Variants in GAB1 observed in about 807,000 individuals in gnomAD.
GAB1 encodes the protein GRB2 associated binding protein 1.
GAB1 carries 19 observed loss-of-function variants against 66.5 expected under a neutral mutation model. The ratio of observed to expected loss-of-function variants is 0.29; its 90% CI spans 0.20 to 0.42. The LOEUF (loss-of-function observed/expected upper bound fraction) is 0.42, where lower values mean the gene tolerates loss of function less well. Ranked by LOEUF, GAB1 falls within the 10% of genes least tolerant of loss-of-function variation. GAB1 has a pLI of 1.00. For missense variants in GAB1, 732 were observed against 858.5 expected, an observed-to-expected ratio of 0.85 and a Z score of 1.84; for synonymous variants, 294 against 301.4, an observed-to-expected ratio of 0.98 and a Z score of 0.25.
chr4:143,415,019 TTCTG>T, intron 1 of GAB1, among the ~76,000 whole-genome samples: 1 of 152,146 alleles, frequency 6.6e-6, no homozygotes, highest in Non-Finnish European at 1.5e-5. Flanking sequence ...CCATTCTGCT[TTCTG>T]TCTGTATGAA....
intron 6 of GAB1, among the ~76,000 whole-genome samples, chr4:143,450,556 A>G (rs956384447): frequency 2.6e-5 from 4 of 152,186 alleles, no homozygotes; most frequent in Non-Finnish European, 4.4e-5. Context: ...CCGACTTGAA[A>G]TACCCTTAGA....
chr4:143,342,612 A>G (rs939349297), intron 1 of GAB1, among the ~76,000 whole-genome samples: 2 of 122,574 alleles, frequency 1.6e-5, no homozygotes, highest in Non-Finnish European at 3.1e-5. Flanking sequence ...GTACAATGGC[A>G]TGATCTTGGC....
At chr4:143,454,245 G>C (rs1476039671) in intron 6 of GAB1, among the ~76,000 whole-genome samples, 1 of 152,168 alleles carries the variant, frequency 6.6e-6, no homozygotes. Context: ...CTGTGTTCTT[G>C]TCTGTAAAAT....
intron 8 of GAB1, among the ~76,000 whole-genome samples, chr4:143,463,589 CT>C (rs1735615948): frequency 6.8e-6 from 1 of 147,656 alleles, no homozygotes; most frequent in Non-Finnish European, 1.5e-5. Flanking sequence ...AGCCACTGCC[CT>C]GCAGCCCAGG....
chr4:143,440,311 C>A lies in GAB1; in HGVS notation c.1514C>A (p.Pro505His). Residue 505 changes from proline to histidine, a missense_variant, in exon 6 of 10, where the codon CCC becomes CAC. Physicochemically the swap from Pro to His is moderately conservative, Grantham distance 77. Around this residue, in one of 4 missense-constraint regions of GAB1, gnomAD observed 204 missense variants for 276.8 expected, o/e 0.74. Transcript: ENST00000262994. ...MGFRSSPKTPPRRPVPVADCE... is the reference protein window; with the variant it reads ...MGFRSSPKTPHRRPVPVADCE... Reference sequence around the variant, plus strand: ...TTCAGGTCCAGCCCAAAAACCCCTCCCAGAAGGCCAGTTCCTGTTGCAGAC... The same window carrying A: ...TTCAGGTCCAGCCCAAAAACCCCTCACAGAAGGCCAGTTCCTGTTGCAGAC... 5 of 1,614,120 alleles carry A rather than the reference C, an allele frequency of 3.1e-6. No individual in the cohort carries two copies. Among genetic ancestry groups the A allele is most frequent in the Non-Finnish European group, 4.2e-6 (5 of 1,180,016 alleles).
chr4:143,463,728 A>G (rs913447859), intron 8 of GAB1, among the ~76,000 whole-genome samples: 2 of 152,202 alleles, frequency 1.3e-5, no homozygotes, highest in Non-Finnish European at 2.9e-5. Flanking sequence ...TGTTTTGGGA[A>G]AATACTGGGT....
chr4:143,461,520 C>T (rs1204384411), intron 8 of GAB1, among the ~76,000 whole-genome samples: 1 of 152,140 alleles, frequency 6.6e-6, no homozygotes, highest in Non-Finnish European at 1.5e-5. Context: ...AGGGTACAGC[C>T]CAACTGCCTC....
At chr4:143,389,688 T>C (rs943765393) in intron 1 of GAB1, among the ~76,000 whole-genome samples, 1 of 152,254 alleles carries the variant, frequency 6.6e-6, no homozygotes, top group African/African-American at 2.4e-5. Flanking sequence ...ACTCTACTTT[T>C]GTTTACTATT....
intron 1 of GAB1, among the ~76,000 whole-genome samples, chr4:143,399,847 TAG>T (rs1483183671): frequency 6.6e-6 from 1 of 152,188 alleles, no homozygotes; most frequent in Non-Finnish European, 1.5e-5. Context: ...AACGAACACT[TAG>T]TTGTGTATTG....
At chr4:143,399,502 G>A (rs1329081625) in intron 1 of GAB1, among the ~76,000 whole-genome samples, 2 of 152,090 alleles carry the variant, frequency 1.3e-5, no homozygotes, top group Admixed American at 1.3e-4. Context: ...GTTTTCCCAC[G>A]TGTTGGCAGT....
intron 3 of GAB1, 94 bp from the exon 4 acceptor site, chr4:143,437,905 C>T: frequency 1.7e-6 from 2 of 1,198,450 alleles, no homozygotes; most frequent in South Asian, 3.0e-5. Flanking sequence ...TGAGAAAAGC[C>T]CTATCTTTTG....
intron 1 of GAB1, among the ~76,000 whole-genome samples, chr4:143,337,760 A>C (rs1218994139): frequency 2.0e-5 from 3 of 151,974 alleles, no homozygotes; most frequent in Admixed American, 6.6e-5. Context: ...CGGGCTGTGG[A>C]GCTGAGGAGT....
chr4:143,432,144 G>T (rs1437832321), intron 2 of GAB1, among the ~76,000 whole-genome samples: 1 of 152,176 alleles, frequency 6.6e-6, no homozygotes, highest in Non-Finnish European at 1.5e-5. Context: ...ACTGCGCAGG[G>T]CCTTTTGGCC....
chr4:143,420,037 T>C (rs1056202388), intron 2 of GAB1, among the ~76,000 whole-genome samples: 7 of 152,124 alleles, frequency 4.6e-5, no homozygotes, highest in African/African-American at 1.4e-4. Flanking sequence ...AAGGTAAACA[T>C]CAAAATGCCT....
At chr4:143,449,119 C>T (rs939223480) in intron 6 of GAB1, among the ~76,000 whole-genome samples, 11 of 141,678 alleles carry the variant, frequency 7.8e-5, no homozygotes, top group African/African-American at 2.9e-4. Flanking sequence ...TTTCTTAATC[C>T]TGAGTAGTAG....
At chr4:143,350,604 G>A (rs1257441871) in intron 1 of GAB1, among the ~76,000 whole-genome samples, 1 of 151,198 alleles carries the variant, frequency 6.6e-6, no homozygotes, top group African/African-American at 2.4e-5. Context: ...CTTGAACCCG[G>A]GAGGCGGAGG....
At chr4:143,423,831 TA>T in intron 2 of GAB1, among the ~76,000 whole-genome samples, 2 of 108,834 alleles carry the variant, frequency 1.8e-5, no homozygotes, top group African/African-American at 3.6e-5. Context: ...TATATATATA[TA>T]TATATGTCTT....
chr4:143,367,594 C>T (rs571553762), intron 1 of GAB1, among the ~76,000 whole-genome samples: 1 of 149,886 alleles, frequency 6.7e-6, no homozygotes, highest in South Asian at 2.1e-4. Flanking sequence ...GTTCCAATAC[C>T]TTAATGAAAC....
At chr4:143,413,824 CTTT>C (rs35422180) in intron 1 of GAB1, among the ~76,000 whole-genome samples, 1 of 67,824 alleles carries the variant, frequency 1.5e-5, no homozygotes, top group African/African-American at 9.4e-5. Context: ...CCCCGCTGCC[CTTT>C]TTTTTTTTTT....
Sources: gnomAD v4.1 joint callset for allele counts (sites outside exome capture counted in the v4.1 genomes callset) on GRCh38, gnomAD v4.1.1 for gene constraint, gnomAD v4.1.1 regional missense constraint, MANE v1.5 for transcripts, NCBI Gene and HGNC (gene_info 2026-07-23, HGNC 2026-07-21) for gene names.